The following COIL variants were observed in gnomAD, a reference collection of about 807,000 sequenced individuals.
The protein encoded by COIL is coilin.
COIL carries 28 observed loss-of-function variants against 51.6 expected under a neutral mutation model. The ratio of observed to expected loss-of-function variants is 0.54; its 90% CI spans 0.40 to 0.74. The LOEUF (loss-of-function observed/expected upper bound fraction) is 0.74. Ranked by LOEUF, COIL falls within the 30% of genes least tolerant of loss-of-function variation. The probability of loss-of-function intolerance (pLI) is 0.00; values close to 1 mark genes in which losing one functional copy is unlikely to be tolerated. For synonymous variants in COIL, 233 were observed against 255.8 expected (o/e 0.91, Z 0.85); for missense variants, 667 against 685.9 (o/e 0.97, Z 0.31).
chr17:56,946,706 G>A (rs1026109002), intron 4 of COIL, among the ~76,000 whole-genome samples, 195 bp from the exon 5 acceptor site: 1 of 152,196 alleles, frequency 6.6e-6, no homozygotes, highest in African/African-American at 2.4e-5. Context: ...AACACTTTAT[G>A]TGAATATACA....
intron 4 of COIL, among the ~76,000 whole-genome samples, chr17:56,948,462 T>C (rs1448292428): frequency 6.6e-6 from 1 of 152,004 alleles, no homozygotes. Flanking sequence ...TCTATAAAGA[T>C]TTTAAGTCTT....
chr17:56,949,271 T>C (rs531300735), intron 4 of COIL, 116 bp downstream of exon 4: 3 of 742,322 alleles, frequency 4.0e-6, no homozygotes, highest in South Asian at 2.3e-5. Context: ...ATTTTCTACT[T>C]TCTGGCATTT....
chr17:56,956,102 T>C (rs957167096), intron 1 of COIL, among the ~76,000 whole-genome samples: 7 of 152,166 alleles, frequency 4.6e-5, no homozygotes, highest in East Asian at 1.9e-4. Flanking sequence ...ATATACCCCA[T>C]ACCCCAAACT....
intron 1 of COIL, 77 bp downstream of exon 1, chr17:56,960,698 G>A: frequency 2.2e-6 from 2 of 917,852 alleles, no homozygotes; most frequent in African/African-American, 2.0e-5. Flanking sequence ...CAGGTCTAGC[G>A]GCTTCAGGCC....
At chr17:56,943,390 T>C (rs986041641) in intron 5 of COIL, among the ~76,000 whole-genome samples, 1 of 152,268 alleles carries the variant, frequency 6.6e-6, no homozygotes, top group Non-Finnish European at 1.5e-5. Flanking sequence ...TCAACATTCC[T>C]ACAGTGAGCT....
Position 56,950,317 on chromosome 17 carries a change from T to C in COIL, c.925A>G (p.Thr309Ala). The change falls in exon 2 of 7, where the codon ACC becomes GCC. Residue 309 changes from threonine to alanine, a missense_variant. Physicochemically the swap from Thr to Ala is moderately conservative, Grantham distance 58. Transcript: ENST00000240316. Reference protein sequence around the residue: ...GFSLTPSKGKTSGTTSSSSDS... With the variant: ...GFSLTPSKGKASGTTSSSSDS... ...GAACTGGAAGATGTTGTTCCAGAGGTCTTGCCCTTGCTGGGGGTAAGGCTA... is the reference window on the plus strand; with the variant it reads ...GAACTGGAAGATGTTGTTCCAGAGGCCTTGCCCTTGCTGGGGGTAAGGCTA... 1 of 1,614,192 alleles carries C rather than the reference T, an allele frequency of 6.2e-7. No homozygotes were observed. Among genetic ancestry groups the C allele is most frequent in the South Asian group, 1.1e-5 (1 of 91,088 alleles).
Position 56,938,224 on chromosome 17 carries a change from A to C in COIL, c.*847T>G, listed in dbSNP as rs1005323493. The C allele has an allele frequency of 1.3e-5, 2 of 152,258 alleles. No individual in the cohort carries two copies. Among genetic ancestry groups the C allele is most frequent in the Non-Finnish European group, 2.9e-5 (2 of 68,038 alleles). The allele number at this position is 152,258 out of a possible 1,614,324, so 9.4% of individuals were successfully genotyped here. On this transcript the variant is annotated 3_prime_UTR_variant, in exon 7 of 7. Transcript: ENST00000240316. ...TTTAGTTCAATATGATTTTATTTAA[A>C]AATGTGTACAGCTGAAGGAGGGATC... is the stretch of plus-strand genomic sequence containing the variant.
chr17:56,955,378 T>C (rs1910464136), intron 1 of COIL, among the ~76,000 whole-genome samples: 1 of 152,176 alleles, frequency 6.6e-6, no homozygotes, highest in Non-Finnish European at 1.5e-5. Flanking sequence ...CCACTTTTCA[T>C]TCTAACTCTT....
At chr17:56,953,627 T>C (rs1910425713) in intron 1 of COIL, among the ~76,000 whole-genome samples, 1 of 152,064 alleles carries the variant, frequency 6.6e-6, no homozygotes, top group Admixed American at 6.6e-5. Flanking sequence ...GGGAAAGATG[T>C]AGACAATCAT....
At chr17:56,948,375 G>A (rs562944301) in intron 4 of COIL, among the ~76,000 whole-genome samples, 4 of 151,740 alleles carry the variant, frequency 2.6e-5, no homozygotes, top group East Asian at 3.9e-4. Flanking sequence ...TCCTGATCTC[G>A]TGATCCACCC....
Position 56,950,813 on chromosome 17 carries a change from C to T in COIL, c.429G>A (p.Glu143=). The change falls in exon 2 of 7, where the codon GAG becomes GAA. Residue 143 remains glutamate (E), a synonymous_variant. Transcript: ENST00000240316. Reference sequence around the variant, plus strand: ...CTTTTGGTTCCAGATCCAAGACCTTCTCATTATTGTTATTGTTCTCTCGAC... The same window carrying T: ...CTTTTGGTTCCAGATCCAAGACCTTTTCATTATTGTTATTGTTCTCTCGAC... ...WKSRENNNNN[E]KVLDLEPKAV... The T allele has an allele frequency of 6.2e-7, 1 of 1,614,024 alleles. No homozygotes were observed. The highest frequency in any genetic ancestry group is 1.1e-5 in the South Asian group (1 of 91,068).
At chr17:56,953,878 T>C (rs1276142260) in intron 1 of COIL, among the ~76,000 whole-genome samples, 1 of 152,144 alleles carries the variant, frequency 6.6e-6, no homozygotes, top group Non-Finnish European at 1.5e-5. Context: ...TTTTAAATTA[T>C]AAAAACACAT....
Position 56,946,471 on chromosome 17 carries a change from A to G in COIL, c.1529T>C (p.Val510Ala). Reference sequence around the variant, plus strand: ...TAAGGATGAAAGAATTTCTATATCTACTTGCTGGGTCTCTGGATTGTGGCT... The same window carrying G: ...TAAGGATGAAAGAATTTCTATATCTGCTTGCTGGGTCTCTGGATTGTGGCT... Reference protein sequence around the residue: ...ILSHNPETQQVDIEILSSLPA... With the variant: ...ILSHNPETQQADIEILSSLPA... Residue 510 changes from valine to alanine, a missense_variant, in exon 5 of 7, where the codon GTA (valine) becomes GCA (alanine). Transcript: ENST00000240316. 6.2e-7 allele frequency: 1 copy of G among 1,611,256 alleles called. No homozygotes were observed. The highest frequency in any genetic ancestry group is 8.5e-7 in the Non-Finnish European group (1 of 1,178,008).
At chr17:56,943,105 G>C (rs1381236581) in intron 5 of COIL, among the ~76,000 whole-genome samples, 1 of 152,076 alleles carries the variant, frequency 6.6e-6, no homozygotes, top group Non-Finnish European at 1.5e-5. Context: ...TTATCAGGGG[G>C]AGTTTGAACA....
intron 3 of COIL, 82 bp from the exon 4 acceptor site, chr17:56,949,516 G>T: frequency 6.7e-7 from 1 of 1,488,356 alleles, no homozygotes; most frequent in South Asian, 1.1e-5. Flanking sequence ...ATGCCATGTT[G>T]GCGTGTCCAC....
At position 56,938,675 on chromosome 17, in the gene COIL, A is replaced by T. The variant is rs1336609804; in HGVS notation, c.*396T>A. On this transcript the variant is annotated 3_prime_UTR_variant, in exon 7 of 7. Coordinates refer to ENST00000240316, the MANE Select transcript of COIL (RefSeq NM_004645.3). ...ATGCTAAAAAATTAGGTCAAATAAC[A>T]TGCTTTAATATTTTTAAATGTTACT... 6.5e-6 allele frequency: 1 copy of T among 153,674 alleles called. No individual in the cohort carries two copies. The highest frequency in any genetic ancestry group is 2.4e-5 in the African/African-American group (1 of 41,528). 9.5% of individuals were successfully genotyped at this position (153,674 alleles called of 1,614,324 possible).
chr17:56,952,737 C>T (rs1301800408), intron 1 of COIL, among the ~76,000 whole-genome samples: 2 of 152,108 alleles, frequency 1.3e-5, no homozygotes, highest in Admixed American at 1.3e-4. Flanking sequence ...TCTCAATCTC[C>T]ACAATCCTAT....
chr17:56,955,696 A>G (rs1413869269), intron 1 of COIL, among the ~76,000 whole-genome samples: 1 of 152,222 alleles, frequency 6.6e-6, no homozygotes, highest in African/African-American at 2.4e-5. Flanking sequence ...AGTGATATCC[A>G]AATGTTAGCT....
At chr17:56,942,791 C>T (rs1910173007) in intron 5 of COIL, among the ~76,000 whole-genome samples, 2 of 152,198 alleles carry the variant, frequency 1.3e-5, no homozygotes, top group Non-Finnish European at 2.9e-5. Flanking sequence ...GCTGGGATTA[C>T]AGGCGTGAGC....
Sources: gnomAD v4.1 joint callset for allele counts (sites outside exome capture counted in the v4.1 genomes callset) on GRCh38, gnomAD v4.1.1 for gene constraint, MANE v1.5 for transcripts, NCBI Gene and HGNC (gene_info 2026-07-23, HGNC 2026-07-21) for gene names.